The following RTN4 variants were observed in gnomAD, a reference collection of about 807,000 sequenced individuals.
RTN4 encodes reticulon-4.
A neutral mutation model predicts 90.4 loss-of-function variants in RTN4; 32 were observed. The observed-to-expected ratio is 0.35, with a 90% CI of 0.27 to 0.48. The LOEUF (loss-of-function observed/expected upper bound fraction) is 0.48, where lower values mean the gene tolerates loss of function less well. Ranked by LOEUF, RTN4 falls within the 20% of genes least tolerant of loss-of-function variation. The probability of loss-of-function intolerance (pLI) is 0.99; values close to 1 mark genes in which losing one functional copy is unlikely to be tolerated. For synonymous variants in RTN4, 629 were observed against 552.5 expected (o/e 1.14, Z -1.94); for missense variants, 1,706 against 1,430.2 (o/e 1.19, Z -3.11).
chr2:54,998,952 A>G (rs1193347105), intron 3 of RTN4, among the ~76,000 whole-genome samples: 1 of 152,214 alleles, frequency 6.6e-6, no homozygotes, highest in African/African-American at 2.4e-5. Context: ...AGGTAACCCT[A>G]TTCTGTGGCC....
At chr2:55,092,004 A>C (rs1008051731) in intron 1 of RTN4, among the ~76,000 whole-genome samples, 8 of 152,066 alleles carry the variant, frequency 5.3e-5, no homozygotes, top group Non-Finnish European at 1.2e-4. Context: ...TGGGAGACAC[A>C]ATTCAAGTTG....
chr2:55,038,862 G>A (rs1459742274), intron 1 of RTN4, among the ~76,000 whole-genome samples: 1 of 152,090 alleles, frequency 6.6e-6, no homozygotes, highest in Non-Finnish European at 1.5e-5. Context: ...AACATCCAAC[G>A]AGTGAATACA....
At chr2:55,020,195 G>GA (rs568075280) in intron 3 of RTN4, among the ~76,000 whole-genome samples, 71 of 151,698 alleles carry the variant, frequency 4.7e-4, no homozygotes, top group African/African-American at 1.5e-3. Context: ...ACAGGAATAG[G>GA]AAAAAAAATC....
At chr2:55,130,534 C>G in the RTN4 span, among the ~76,000 whole-genome samples, 2 of 151,938 alleles carry the variant, frequency 1.3e-5, no homozygotes, top group East Asian at 3.9e-4. Flanking sequence ...GCAGACTGCT[C>G]GAGCCCAGGA....
chr2:55,090,933 C>A (rs1209317875), intron 1 of RTN4, among the ~76,000 whole-genome samples: 1 of 152,150 alleles, frequency 6.6e-6, no homozygotes, highest in Admixed American at 6.6e-5. Context: ...GATCAGCAGG[C>A]CTTGTCAGTC....
chr2:54,975,216 T>C (rs1168248685), intron 5 of RTN4, among the ~76,000 whole-genome samples: 2 of 152,210 alleles, frequency 1.3e-5, no homozygotes, highest in Admixed American at 1.3e-4. Context: ...CAAAGAGTAC[T>C]TATCAGGGAA....
intron 3 of RTN4, among the ~76,000 whole-genome samples, chr2:55,004,079 A>C (rs999659325): frequency 6.6e-6 from 1 of 152,156 alleles, no homozygotes; most frequent in Non-Finnish European, 1.5e-5. Context: ...GATGAAAAGA[A>C]ATTATTCTCC....
At chr2:55,052,978 T>TCTCAAAGAGA (rs1468266654), upstream of RTN4, among the ~76,000 whole-genome samples, 5 of 152,194 alleles carry the variant, frequency 3.3e-5, no homozygotes, top group Non-Finnish European at 7.3e-5. Context: ...ACTAAAATAG[T>TCTCAAAGAGA]CTCAAAGGAG....
Position 54,973,588 on chromosome 2 carries a change from T to C in RTN4, c.3511A>G (p.Lys1171Glu). ...QIDHYLGLAN[K>E]NVKDAMAKIQ... The stretch of plus-strand genomic sequence containing the variant: ...TTAGCCATAGCATCTTTAACATTCT[T>C]ATTTGCAAGTCCTAGATAATGATCT... The change falls in exon 8 of 9, where the codon AAG (lysine) becomes GAG (glutamate). Residue 1171 changes from lysine (K) to glutamate (E), a missense_variant. Coordinates refer to ENST00000337526, the MANE Select transcript of RTN4 (RefSeq NM_020532.5). 1 of 1,610,330 alleles carries C rather than the reference T, an allele frequency of 6.2e-7. No homozygotes were observed. The highest frequency in any genetic ancestry group is 1.7e-5 in the Admixed American group (1 of 60,024).
At chr2:54,979,690 C>T (rs1281197167) in intron 5 of RTN4, among the ~76,000 whole-genome samples, 2 of 152,194 alleles carry the variant, frequency 1.3e-5, no homozygotes, top group African/African-American at 4.8e-5. Flanking sequence ...TCAGAGTGTG[C>T]ACCTGAATTA....
intron 3 of RTN4, among the ~76,000 whole-genome samples, chr2:54,997,273 C>G (rs111339251): frequency 6.6e-6 from 1 of 152,114 alleles, no homozygotes; most frequent in Non-Finnish European, 1.5e-5. Context: ...ATCATTTAGT[C>G]ATTATAAAAA....
intron 1 of RTN4, among the ~76,000 whole-genome samples, chr2:55,082,693 T>C (rs185747361): frequency 1.3e-5 from 2 of 152,342 alleles, no homozygotes; most frequent in Admixed American, 1.3e-4. Context: ...TGCTTGCCCT[T>C]ATGAACTTTA....
chr2:54,995,702 A>T (rs1679368841), intron 3 of RTN4, among the ~76,000 whole-genome samples: 1 of 152,074 alleles, frequency 6.6e-6, no homozygotes, highest in African/African-American at 2.4e-5. Flanking sequence ...ATTCCATCAC[A>T]GGGCACACTC....
intron 2 of RTN4, among the ~76,000 whole-genome samples, chr2:55,071,966 A>G (rs2105017753): frequency 6.6e-6 from 1 of 152,318 alleles, no homozygotes; most frequent in Non-Finnish European, 1.5e-5. Flanking sequence ...TGCTAAAATC[A>G]ACTTCATTTA....
rs1344219716 is a variant in RTN4 at position 54,982,550 on chromosome 2, G to T, written c.3325C>A (p.Leu1109Ile). 2 of 1,612,794 alleles carry T rather than the reference G, an allele frequency of 1.2e-6. No individual in the cohort carries two copies. The highest frequency in any genetic ancestry group is 1.7e-6 in the Non-Finnish European group (2 of 1,179,614). ...VNCTIKELRR[L>I]FLVDDLVDSL... The stretch of plus-strand genomic sequence containing the variant: ...TCAACTAAATCATCAACTAAGAAGA[G>T]GCGCCTGAGTTCCTTTATCGTGCAG... The change falls in exon 5 of 9, where the codon CTC becomes ATC. Residue 1109 changes from leucine to isoleucine, a missense_variant. Leu to Ile is a conservative substitution (Grantham distance 5). Coordinates refer to ENST00000337526, the MANE Select transcript of RTN4 (RefSeq NM_020532.5).
chr2:55,134,701 A>C, the RTN4 span, among the ~76,000 whole-genome samples: 4 of 149,798 alleles, frequency 2.7e-5, no homozygotes, highest in African/African-American at 9.9e-5. Context: ...TTTATAATCT[A>C]ATTCTCCAGA....
At chr2:55,092,188 T>C (rs1201327482) in intron 1 of RTN4, among the ~76,000 whole-genome samples, 1 of 5,720 alleles carries the variant, frequency 1.7e-4, no homozygotes, top group African/African-American at 1.6e-3. Flanking sequence ...AGACCATGAC[T>C]TAAAAAAAAA....
intron 2 of RTN4, among the ~76,000 whole-genome samples, chr2:55,056,028 A>G (rs1027154770): frequency 1.3e-5 from 2 of 152,008 alleles, no homozygotes; most frequent in Non-Finnish European, 2.9e-5. Flanking sequence ...ATATCTGTAC[A>G]CACACAGTAG....
intron 3 of RTN4, among the ~76,000 whole-genome samples, chr2:54,995,240 TAA>T (rs1233226952): frequency 6.7e-5 from 9 of 134,692 alleles, no homozygotes; most frequent in African/African-American, 8.2e-5. Flanking sequence ...ACCCTATCTC[TAA>T]AAAAAAAAAA....
Sources: gnomAD v4.1 joint callset for allele counts (sites outside exome capture counted in the v4.1 genomes callset) on GRCh38, gnomAD v4.1.1 for gene constraint, MANE v1.5 for transcripts, NCBI Gene and HGNC (gene_info 2026-07-23, HGNC 2026-07-21) for gene names.